TBC1D4: variants seen among roughly 807,000 people sequenced by gnomAD.
TBC1D4 encodes the protein TBC (Tre-2, BUB2, CDC16) domain-containing protein.
A neutral mutation model predicts 142.5 loss-of-function variants in TBC1D4; 121 were observed. The observed-to-expected ratio is 0.85, with a 90% confidence interval of 0.73 to 0.99. The LOEUF is 0.99. TBC1D4 is among the 50% of genes least tolerant of loss of function. TBC1D4 has a pLI of 0.00. For synonymous variants in TBC1D4, 630 were observed against 628.2 expected (o/e 1.00, Z -0.04); for missense variants, 1,475 against 1,606.6 (o/e 0.92, Z 1.40).
intron 1 of TBC1D4, among the ~76,000 whole-genome samples, chr13:75,467,917 C>T (rs1566511831): frequency 6.6e-6 from 1 of 152,132 alleles, no homozygotes; most frequent in East Asian, 1.9e-4. Flanking sequence ...AACCCTGTAT[C>T]TTATAGTTGG....
At chr13:75,349,098 A>G in intron 5 of TBC1D4, 72 bp downstream of exon 5, 2 of 1,609,080 alleles carry the variant, frequency 1.2e-6, no homozygotes, top group Non-Finnish European at 1.7e-6. Context: ...CTATTCAATG[A>G]CAATAGGGAC....
At chr13:75,388,081 C>T (rs1884282067) in intron 1 of TBC1D4, among the ~76,000 whole-genome samples, 1 of 152,224 alleles carries the variant, frequency 6.6e-6, no homozygotes, top group African/African-American at 2.4e-5. Context: ...CCTTCTTCCA[C>T]CTGCAAAGCC....
intron 1 of TBC1D4, among the ~76,000 whole-genome samples, chr13:75,443,316 A>G (rs985380598): frequency 1.3e-5 from 2 of 152,232 alleles, no homozygotes; most frequent in African/African-American, 4.8e-5. Flanking sequence ...CAGATATCTC[A>G]TTTCATGTGT....
chr13:75,481,800 G>T lies in TBC1D4; in HGVS notation c.-33C>A. On this transcript the variant is annotated 5_prime_UTR_variant, in exon 1 of 21. Transcript: ENST00000377636. ...GCCTCACCAGGGCACCGCGGAGGCC[G>T]GCCGGGCGCACCGCGCCCCCCACTC... The T allele has an allele frequency of 6.8e-7, 1 of 1,471,412 alleles. No individual in the cohort carries two copies. The highest frequency in any genetic ancestry group is 8.9e-7 in the Non-Finnish European group (1 of 1,120,630). 91.1% of individuals were successfully genotyped at this position (1,471,412 alleles called of 1,614,324 possible).
Position 75,299,572 on chromosome 13 carries a change from T to G in TBC1D4, c.2914A>C (p.Arg972=). Residue 972 remains arginine, a splice_region_variant and synonymous_variant, in exon 17 of 21, where the codon AGG becomes CGG. Coordinates refer to ENST00000377636, the MANE Select transcript of TBC1D4 (RefSeq NM_014832.5). The part of the protein sequence containing the change: ...QQHAILVDLG[R]TFPTHPYFSV... Reference sequence around the variant, plus strand: ...AAGTAAGGGTGAGTAGGAAACGTCCTTCCTGCAGAGGAAAAGAAGGAAAAT... The same window carrying G: ...AAGTAAGGGTGAGTAGGAAACGTCCGTCCTGCAGAGGAAAAGAAGGAAAAT... 6.2e-7 allele frequency: 1 copy of G among 1,614,112 alleles called. No individual in the cohort carries two copies. The highest frequency in any genetic ancestry group is 8.5e-7 in the Non-Finnish European group (1 of 1,180,022).
chr13:75,302,753 A>C, intron 15 of TBC1D4: 1 of 306,164 alleles, frequency 3.3e-6, no homozygotes, highest in East Asian at 7.9e-5. Flanking sequence ...TATTAGGTCC[A>C]CTTTATAGAC....
intron 12 of TBC1D4, among the ~76,000 whole-genome samples, chr13:75,317,276 TTCTGGTGAAAAATTAAGTC>T (rs1878397308): frequency 6.6e-6 from 1 of 152,212 alleles, no homozygotes; most frequent in African/African-American, 2.4e-5. Context: ...TCCTCTGCAT[TTCTGGTGAAAAATTAAGTC>T]TCCAATTAGC....
At chr13:75,303,507 A>G (rs1876808489) in intron 15 of TBC1D4, among the ~76,000 whole-genome samples, 1 of 152,204 alleles carries the variant, frequency 6.6e-6, no homozygotes, top group Non-Finnish European at 1.5e-5. Flanking sequence ...GCCAAGGGAA[A>G]TGAAGTAAGC....
At chr13:75,361,880 C>G in intron 2 of TBC1D4, 146 bp downstream of exon 2, 1 of 965,306 alleles carries the variant, frequency 1.0e-6, no homozygotes, top group Non-Finnish European at 1.6e-6. Flanking sequence ...ACTCTTCCTC[C>G]ACCTGCCTTA....
intron 13 of TBC1D4, among the ~76,000 whole-genome samples, chr13:75,310,360 C>T (rs189892427): frequency 2.6e-4 from 39 of 152,298 alleles, no homozygotes. Flanking sequence ...GAAACAGAAG[C>T]ATAGGTCATT....
chr13:75,306,060 A>T (rs1877151873), intron 15 of TBC1D4, among the ~76,000 whole-genome samples: 1 of 152,226 alleles, frequency 6.6e-6, no homozygotes, highest in South Asian at 2.1e-4. Flanking sequence ...TATGGCAGTG[A>T]TCAAAGATTT....
intron 11 of TBC1D4, among the ~76,000 whole-genome samples, chr13:75,320,691 C>T (rs1243715177): frequency 6.6e-6 from 1 of 151,746 alleles, no homozygotes; most frequent in Non-Finnish European, 1.5e-5. Flanking sequence ...AAATGGATGC[C>T]TAATCTGAAT....
chr13:75,404,481 G>A (rs989170826), intron 1 of TBC1D4, among the ~76,000 whole-genome samples: 1 of 152,084 alleles, frequency 6.6e-6, no homozygotes, highest in Non-Finnish European at 1.5e-5. Context: ...TGTTTTTAAT[G>A]ACTGTGACAG....
chr13:75,454,801 C>A (rs1887661111), intron 1 of TBC1D4, among the ~76,000 whole-genome samples: 1 of 152,134 alleles, frequency 6.6e-6, no homozygotes, highest in African/African-American at 2.4e-5. Flanking sequence ...TTATAATGAT[C>A]TGATCTAAAG....
At chr13:75,314,772 G>C (rs1250172595) in intron 12 of TBC1D4, among the ~76,000 whole-genome samples, 1 of 149,076 alleles carries the variant, frequency 6.7e-6, no homozygotes, top group Admixed American at 6.7e-5. Context: ...TTCAAGAGTA[G>C]CATGGCCAAC....
At chr13:75,348,627 A>T (rs780889098) in intron 5 of TBC1D4, among the ~76,000 whole-genome samples, 1 of 152,204 alleles carries the variant, frequency 6.6e-6, no homozygotes, top group Non-Finnish European at 1.5e-5. Flanking sequence ...CCTTCTCAGA[A>T]CATATTAAAA....
At chr13:75,479,364 T>C (rs1383403288) in intron 1 of TBC1D4, among the ~76,000 whole-genome samples, 3 of 152,192 alleles carry the variant, frequency 2.0e-5, no homozygotes, top group Non-Finnish European at 4.4e-5. Flanking sequence ...GAAAGTCATA[T>C]GACTACCACT....
At chr13:75,404,947 AT>A (rs1885259117) in intron 1 of TBC1D4, among the ~76,000 whole-genome samples, 1 of 152,118 alleles carries the variant, frequency 6.6e-6, no homozygotes, top group Non-Finnish European at 1.5e-5. Context: ...CGTGCAATTG[AT>A]TTGACAGCTG....
chr13:75,447,196 T>C (rs1341153206), intron 1 of TBC1D4, among the ~76,000 whole-genome samples: 1 of 152,118 alleles, frequency 6.6e-6, no homozygotes, highest in East Asian at 1.9e-4. Flanking sequence ...TTTAGTAGAT[T>C]TGGTAAACTT....
Sources: gnomAD v4.1 joint callset for allele counts (sites outside exome capture counted in the v4.1 genomes callset) on GRCh38, gnomAD v4.1.1 for gene constraint, MANE v1.5 for transcripts, NCBI Gene and HGNC (gene_info 2026-07-23, HGNC 2026-07-21) for gene names.